Variants in RALGPS2 observed in about 807,000 individuals in gnomAD.
RALGPS2 encodes the protein Ral GEF with PH domain and SH3 binding motif 2.
A neutral mutation model predicts 86.8 loss-of-function variants in RALGPS2; 43 were observed. The observed-to-expected ratio is 0.50, with a 90% CI of 0.39 to 0.64. The LOEUF (loss-of-function observed/expected upper bound fraction) is 0.64, where lower values mean the gene tolerates loss of function less well. Ranked by LOEUF, RALGPS2 falls within the 30% of genes least tolerant of loss-of-function variation. RALGPS2 has a pLI of 0.00. For synonymous variants in RALGPS2, 243 were observed against 231.3 expected (o/e 1.05, Z -0.46); for missense variants, 536 against 694.6 (o/e 0.77, Z 2.57).
At chr1:178,914,198 C>G (rs1028586414) in intron 19 of RALGPS2, among the ~76,000 whole-genome samples, 14 of 152,078 alleles carry the variant, frequency 9.2e-5, no homozygotes, top group South Asian at 2.1e-4. Context: ...GTATGAAGAG[C>G]CTTGGTGGGT....
intron 10 of RALGPS2, among the ~76,000 whole-genome samples, chr1:178,882,769 A>G (rs1473474395): frequency 1.3e-5 from 2 of 152,234 alleles, no homozygotes; most frequent in Non-Finnish European, 2.9e-5. Flanking sequence ...ATATTATCCT[A>G]AATGAAACTT....
At chr1:178,774,450 T>C (rs1245480402) in intron 1 of RALGPS2, among the ~76,000 whole-genome samples, 1 of 152,264 alleles carries the variant, frequency 6.6e-6, no homozygotes, top group Non-Finnish European at 1.5e-5. Context: ...AAAATCTTTT[T>C]CTTAGCACTA....
chr1:178,839,441 C>A (rs1346237120), intron 8 of RALGPS2, among the ~76,000 whole-genome samples: 3 of 152,036 alleles, frequency 2.0e-5, no homozygotes, highest in Admixed American at 6.6e-5. Flanking sequence ...GAAATAAAAT[C>A]CTTTACAGAC....
rs543947031 is a variant in RALGPS2 at position 178,859,401 on chromosome 1, CT to C, written c.608-18076del. 4.3e-3 allele frequency among the ~76,000 whole-genome samples: 533 copies of C among 122,896 alleles called. 3 individuals carry two copies. The highest frequency in any genetic ancestry group is 0.014 in the African/African-American group (441 of 32,270). 80.6% of individuals were successfully genotyped at this position (122,896 alleles called of 152,430 possible). On this transcript the variant is annotated intron_variant, in intron 8 of 19. Coordinates refer to ENST00000367635, the MANE Select transcript of RALGPS2 (RefSeq NM_152663.5). ...TCTAATGACTACTTTCCAAGTTTAA[CT>C]TTTTTTTTTTTTTTTTTTTTGAGAC...
At chr1:178,775,111 T>C (rs1188540182) in intron 1 of RALGPS2, among the ~76,000 whole-genome samples, 2 of 152,196 alleles carry the variant, frequency 1.3e-5, no homozygotes, top group Admixed American at 6.5e-5. Context: ...CATTACATCA[T>C]AGTAATAGCA....
At chr1:178,916,291 C>A (rs1367213604) in intron 19 of RALGPS2, 39 bp from the exon 20 acceptor site, 3 of 1,522,772 alleles carry the variant, frequency 2.0e-6, no homozygotes, top group East Asian at 4.5e-5. Context: ...CTTTGAAAAA[C>A]AACTTTTAAA....
intron 4 of RALGPS2, among the ~76,000 whole-genome samples, chr1:178,791,214 G>A (rs575676307): frequency 6.6e-6 from 1 of 151,938 alleles, no homozygotes; most frequent in South Asian, 2.1e-4. Flanking sequence ...TTGATCTCCT[G>A]GGCTTAAGTG....
At chr1:178,762,695 G>A (rs1354333092) in intron 1 of RALGPS2, among the ~76,000 whole-genome samples, 2 of 152,124 alleles carry the variant, frequency 1.3e-5, no homozygotes, top group East Asian at 3.9e-4. Context: ...TTTTTAGTGG[G>A]GTTGTTTTTT....
intron 4 of RALGPS2, among the ~76,000 whole-genome samples, chr1:178,807,844 A>G (rs1217351384): frequency 1.3e-5 from 2 of 152,178 alleles, no homozygotes; most frequent in Admixed American, 6.5e-5. Context: ...CTATGTTTTC[A>G]TAGTCGTTGT....
chr1:178,789,635 A>G (rs1430877234), intron 4 of RALGPS2, among the ~76,000 whole-genome samples: 3 of 152,226 alleles, frequency 2.0e-5, no homozygotes, highest in African/African-American at 7.2e-5. Flanking sequence ...ATACTGGCAT[A>G]TATTTCCAGT....
chr1:178,755,749 A>G (rs765841137), intron 1 of RALGPS2, among the ~76,000 whole-genome samples: 4 of 152,192 alleles, frequency 2.6e-5, no homozygotes, highest in Admixed American at 1.3e-4. Context: ...ATTTTAAGTT[A>G]TATGAGAGAT....
intron 1 of RALGPS2, among the ~76,000 whole-genome samples, chr1:178,754,282 A>G (rs150536814): frequency 1.1e-3 from 169 of 151,688 alleles, no homozygotes; most frequent in African/African-American, 3.9e-3. Flanking sequence ...AATTTCTTAT[A>G]TAGTATATAT....
chr1:178,750,723 T>C (rs1428087408), intron 1 of RALGPS2, among the ~76,000 whole-genome samples: 3 of 152,214 alleles, frequency 2.0e-5, no homozygotes, highest in East Asian at 1.9e-4. Flanking sequence ...TTCTTATTGC[T>C]CCTTCTGCAT....
intron 1 of RALGPS2, among the ~76,000 whole-genome samples, chr1:178,758,284 G>T (rs1572293267): frequency 2.0e-5 from 3 of 151,956 alleles, no homozygotes; most frequent in South Asian, 4.2e-4. Flanking sequence ...TATATAGTAG[G>T]TGTATGTATT....
intron 6 of RALGPS2, 67 bp downstream of exon 6, chr1:178,811,471 T>A (rs1055401653): frequency 1.8e-6 from 2 of 1,090,740 alleles, no homozygotes; most frequent in Non-Finnish European, 2.6e-6. Flanking sequence ...TGAATAAATA[T>A]TCGTGATGCT....
chr1:178,853,604 T>C (rs1257584352), intron 8 of RALGPS2: 2 of 1,595,836 alleles, frequency 1.3e-6, no homozygotes, highest in Non-Finnish European at 1.7e-6. Flanking sequence ...CTTATAATTT[T>C]CCCAATTTCT....
chr1:178,783,000 A>T (rs913857), intron 2 of RALGPS2, among the ~76,000 whole-genome samples: 2 of 152,036 alleles, frequency 1.3e-5, no homozygotes, highest in Non-Finnish European at 2.9e-5. Flanking sequence ...ATTTGAAGAG[A>T]TACATCAAGC....
chr1:178,821,748 G>A (rs1052749822), intron 7 of RALGPS2, 44 bp downstream of exon 7: 1 of 1,361,666 alleles, frequency 7.3e-7, no homozygotes, highest in South Asian at 1.2e-5. Flanking sequence ...ACTTCCTGTG[G>A]AAAGGAAAGA....
chr1:178,851,160 G>C, intron 8 of RALGPS2: 1 of 1,613,756 alleles, frequency 6.2e-7, no homozygotes, highest in Non-Finnish European at 8.5e-7. Context: ...CATCTGAACT[G>C]CTCTTAAGGA....
Sources: gnomAD v4.1 joint callset for allele counts (sites outside exome capture counted in the v4.1 genomes callset) on GRCh38, gnomAD v4.1.1 for gene constraint, MANE v1.5 for transcripts, NCBI Gene and HGNC (gene_info 2026-07-23, HGNC 2026-07-21) for gene names.